Variants in CBX7 observed in about 807,000 individuals in gnomAD.
CBX7 encodes the protein chromobox 7, also known as chromobox protein homolog 7.
Under a neutral mutation model 31.4 loss-of-function variants are expected in CBX7, and 14 were observed. The ratio of observed to expected loss-of-function variants is 0.45; its 90% CI spans 0.29 to 0.70. CBX7 has a LOEUF of 0.70. Ranked by LOEUF, CBX7 falls within the 30% of genes least tolerant of loss-of-function variation. The pLI, the probability that CBX7 is intolerant of heterozygous loss-of-function variation, is 0.11. For missense variants in CBX7, 269 were observed against 351.9 expected (o/e 0.76, Z 1.89); for synonymous variants, 159 against 152.6 (o/e 1.04, Z -0.31).
intron 4 of CBX7, among the ~76,000 whole-genome samples, chr22:39,138,201 A>G (rs1015214417): frequency 6.6e-6 from 1 of 151,924 alleles, no homozygotes; most frequent in Non-Finnish European, 1.5e-5. Context: ...AAAAAAAAAA[A>G]AGATTCTGTT....
chr22:39,145,884 G>A (rs926876099), intron 2 of CBX7, among the ~76,000 whole-genome samples: 1 of 152,020 alleles, frequency 6.6e-6, no homozygotes, highest in Non-Finnish European at 1.5e-5. Context: ...GGCACGCAGT[G>A]GGAAGGGGCG....
rs915066900 is a variant in CBX7, at chr22:39,152,038, C to T, written c.69+338G>A. On this transcript the variant is annotated intron_variant, in intron 1 of 5. Coordinates refer to ENST00000216133, the MANE Select transcript of CBX7 (RefSeq NM_175709.5). This position sits in a 1 kb window ranked among gnomAD's most constrained non-coding sequence, Gnocchi z 4.9. ...TCAAAACCCAGCTCTGACCATAACGCGCTAGGCAAGTCCTTTCAACTTGGG... is the reference window on the plus strand; with the variant it reads ...TCAAAACCCAGCTCTGACCATAACGTGCTAGGCAAGTCCTTTCAACTTGGG... Among the ~76,000 whole-genome samples, 1 of 152,154 alleles carries T rather than the reference C, an allele frequency of 6.6e-6. No homozygotes were observed. Among genetic ancestry groups the T allele is most frequent in the Non-Finnish European group, 1.5e-5 (1 of 68,030 alleles).
chr22:39,136,232 G>C (rs1001714919), intron 4 of CBX7: 2 of 152,106 alleles, frequency 1.3e-5, no homozygotes, highest in African/African-American at 4.8e-5. Context: ...TCCTGGGTAA[G>C]CTACCGGCCT....
At chr22:39,141,506 T>C (rs2077263685) in intron 2 of CBX7, 70 bp from the exon 3 acceptor site, 2 of 1,369,720 alleles carry the variant, frequency 1.5e-6, no homozygotes, top group African/African-American at 1.4e-5. Context: ...CCCAGCACTT[T>C]GGGAGGCCGA....
At chr22:39,142,049 G>C (rs1930478495) in intron 2 of CBX7, among the ~76,000 whole-genome samples, 1 of 152,238 alleles carries the variant, frequency 6.6e-6, no homozygotes, top group South Asian at 2.1e-4. Context: ...CACCAGGCAA[G>C]AGAGGATGAA....
At chr22:39,150,549 G>A (rs999688849) in intron 1 of CBX7, among the ~76,000 whole-genome samples, 1 of 152,180 alleles carries the variant, frequency 6.6e-6, no homozygotes, top group Non-Finnish European at 1.5e-5. Flanking sequence ...CTGGAAGATC[G>A]CTTGAGCCCA....
chr22:39,134,756 C>A lies in CBX7; in HGVS notation c.247-4G>T, dbSNP rs1202577178. 6.7e-7 allele frequency: 1 copy of A among 1,502,054 alleles called. No individual in the cohort carries two copies. Among genetic ancestry groups the A allele is most frequent in the Non-Finnish European group, 8.9e-7 (1 of 1,117,386 alleles). The allele number at this position is 1,502,054 out of a possible 1,614,324, so 93.0% of individuals were successfully genotyped here. A position where few individuals can be genotyped will look rare whatever the true frequency, so the allele number is the denominator to read the frequency against. ...GCAGGTCCATGCTGTACAGCCGCTG[C>A]GGGGGCAAGCCAGGGCAGCGCGGGT... is the stretch of plus-strand genomic sequence containing the variant. On this transcript the variant is annotated splice_region_variant and splice_polypyrimidine_tract_variant and intron_variant, in intron 4 of 5. Transcript: ENST00000216133.
chr22:39,152,320 C>T lies in CBX7; in HGVS notation c.69+56G>A. On this transcript the variant is annotated intron_variant, in intron 1 of 5. Coordinates refer to ENST00000216133, the MANE Select transcript of CBX7 (RefSeq NM_175709.5). This position sits in a 1 kb window ranked among gnomAD's most constrained non-coding sequence, Gnocchi z 4.9. ...CAGCCCCAGCGTGGAGGGAGCGGTG[C>T]TGGGGACGGGAGGGACCCCACTGGG... 2.5e-6 allele frequency: 3 copies of T among 1,192,894 alleles called. No individual in the cohort carries two copies. Among genetic ancestry groups the T allele is most frequent in the African/African-American group, 1.6e-5 (1 of 62,446 alleles). 73.9% of individuals were successfully genotyped at this position (1,192,894 alleles called of 1,614,324 possible). A position where few individuals can be genotyped will look rare whatever the true frequency, so the allele number is the denominator to read the frequency against.
Position 39,138,715 on chromosome 22 carries a change from G to T in CBX7, c.180-13C>A, listed in dbSNP as rs769421102. On this transcript the variant is annotated splice_polypyrimidine_tract_variant and intron_variant, in intron 3 of 5. Transcript: ENST00000216133. ...GTCTCTCTCCTCCCTGGGGTGTGAA[G>T]CAGGTGGCAGAAGAAAAGGAAACAC... 6.2e-7 allele frequency: 1 copy of T among 1,613,676 alleles called. No individual in the cohort carries two copies. Among genetic ancestry groups the T allele is most frequent in the Non-Finnish European group, 8.5e-7 (1 of 1,179,572 alleles).
At chr22:39,135,486 A>T (rs915440011) in intron 4 of CBX7, 1 of 151,584 alleles carries the variant, frequency 6.6e-6, no homozygotes, top group African/African-American at 2.4e-5. Context: ...GAGACTCTGG[A>T]TCACTGGGAC....
At chr22:39,150,888 T>C (rs1930825728) in intron 1 of CBX7, among the ~76,000 whole-genome samples, 1 of 152,228 alleles carries the variant, frequency 6.6e-6, no homozygotes, top group Admixed American at 6.5e-5. Context: ...CCCTCTCCCA[T>C]GCTGTCTCCA....
At chr22:39,141,149 A>G in intron 3 of CBX7, 1 of 517,434 alleles carries the variant, frequency 1.9e-6, no homozygotes, top group Non-Finnish European at 3.5e-6. Flanking sequence ...CGGGTGGGTA[A>G]AGGAAGTGAC....
At position 39,131,137 on chromosome 22, in the gene CBX7, A is replaced by G. The variant is rs1569103428; in HGVS notation, c.*2754T>C. 1 of 152,604 alleles carries G rather than the reference A, an allele frequency of 6.6e-6. No homozygotes were observed. The allele number at this position is 152,604 out of a possible 1,614,324, so 9.5% of individuals were successfully genotyped here. A position where few individuals can be genotyped will look rare whatever the true frequency, so the allele number is the denominator to read the frequency against. On this transcript the variant is annotated 3_prime_UTR_variant, in exon 6 of 6. Transcript: ENST00000216133. ...CAGCGCCTGCCCCCAGAACAAGGGG[A>G]CAGGAGGAGCTTGGCAACGAGGTCA... is the stretch of plus-strand genomic sequence containing the variant.
chr22:39,141,854 G>A (rs1305297879), intron 2 of CBX7, among the ~76,000 whole-genome samples: 1 of 152,122 alleles, frequency 6.6e-6, no homozygotes, highest in Non-Finnish European at 1.5e-5. Flanking sequence ...CCCTGTCCTG[G>A]TAAGGTGTCA....
At position 39,133,751 on chromosome 22, in the gene CBX7, G is replaced by T. The variant is rs1930130469; in HGVS notation, c.*140C>A. 1.3e-6 allele frequency: 1 copy of T among 781,086 alleles called. No individual in the cohort carries two copies. The highest frequency in any genetic ancestry group is 1.9e-6 in the Non-Finnish European group (1 of 520,260). The allele number at this position is 781,086 out of a possible 1,614,324, so 48.4% of individuals were successfully genotyped here. On this transcript the variant is annotated 3_prime_UTR_variant, in exon 6 of 6. Coordinates refer to ENST00000216133, the MANE Select transcript of CBX7 (RefSeq NM_175709.5). ...CTCAGAGAAAGGGCAGGTGGTGGGA[G>T]AGTAGTGGGATCTTCTCCCCTTTTG...
At chr22:39,149,037 T>TCCCTCG (rs1555914322) in intron 2 of CBX7, 1 of 151,716 alleles carries the variant, frequency 6.6e-6, no homozygotes, top group African/African-American at 2.4e-5. Context: ...ACTAGCTCAT[T>TCCCTCG]CCCTCCCAAC....
intron 2 of CBX7, chr22:39,148,991 G>C (rs570907399): frequency 5.9e-5 from 9 of 152,352 alleles, no homozygotes; most frequent in Admixed American, 3.3e-4. Flanking sequence ...CGGGGCAGGG[G>C]GTGGGGCACC....
chr22:39,152,328 G>A lies in CBX7; in HGVS notation c.69+48C>T, dbSNP rs771179283. The A allele has an allele frequency of 1.5e-5, 19 of 1,262,660 alleles. No homozygotes were observed. Among genetic ancestry groups the A allele is most frequent in the Admixed American group, 1.4e-4 (4 of 29,124 alleles). 78.2% of individuals were successfully genotyped at this position (1,262,660 alleles called of 1,614,324 possible). A position where few individuals can be genotyped will look rare whatever the true frequency, so the allele number is the denominator to read the frequency against. On this transcript the variant is annotated intron_variant, in intron 1 of 5. Transcript: ENST00000216133. The surrounding 1 kb of genome is among the most constrained non-coding windows in gnomAD (Gnocchi z 4.9). Reference sequence around the variant, plus strand: ...GCGTGGAGGGAGCGGTGCTGGGGACGGGAGGGACCCCACTGGGGTCCTGGG... The same window carrying A: ...GCGTGGAGGGAGCGGTGCTGGGGACAGGAGGGACCCCACTGGGGTCCTGGG...
chr22:39,135,956 G>A (rs2146352792), intron 4 of CBX7: 1 of 152,354 alleles, frequency 6.6e-6, no homozygotes, highest in South Asian at 2.1e-4. Context: ...CGGGTGTGGT[G>A]GCAGGTGCCT....
Sources: allele counts gnomAD v4.1 joint callset (sites outside exome capture counted in the v4.1 genomes callset), GRCh38; gene constraint gnomAD v4.1.1; non-coding constraint Gnocchi (gnomAD v3.1); transcripts MANE v1.5; gene names NCBI Gene and HGNC (gene_info 2026-07-23, HGNC 2026-07-21).